SYCE1: variants seen among roughly 807,000 people sequenced by gnomAD.
SYCE1 encodes the protein cancer/testis antigen 76.
In SYCE1, 37 loss-of-function variants were observed where a neutral mutation model predicts 55.1. The ratio of observed to expected loss-of-function variants is 0.67; its 90% CI spans 0.52 to 0.88. SYCE1 has a LOEUF of 0.88. SYCE1 is among the 40% of genes least tolerant of loss of function. The pLI is 0.00. For missense variants in SYCE1, 399 were observed against 416.4 expected, an observed-to-expected ratio of 0.96 and a Z score of 0.36; for synonymous variants, 163 against 159.4, an observed-to-expected ratio of 1.02 and a Z score of -0.17.
upstream of SYCE1, among the ~76,000 whole-genome samples, chr10:133,566,603 G>GGGTTA (rs1851941210): frequency 7.7e-6 from 1 of 129,766 alleles, no homozygotes; most frequent in Non-Finnish European, 1.6e-5. Flanking sequence ...TTTTAGTGTT[G>GGGTTA]GGGTTAGGGT....
chr10:133,554,523 A>C (rs978872414), downstream of SYCE1: 12 of 658,012 alleles, frequency 1.8e-5, no homozygotes, highest in Non-Finnish European at 3.0e-5. Context: ...CTTCCTGTCC[A>C]AAAGTGCCTG....
chr10:133,565,729 C>T (rs1390271451), upstream of SYCE1: 4 of 572,688 alleles, frequency 7.0e-6, no homozygotes, highest in Middle Eastern at 4.7e-4. Context: ...ACAAACGCGG[C>T]GGGAAGCCCG....
chr10:133,562,720 T>A (rs1018988798), intron 1 of SYCE1, among the ~76,000 whole-genome samples: 1 of 152,228 alleles, frequency 6.6e-6, no homozygotes, highest in Non-Finnish European at 1.5e-5. Context: ...AATATTTTTT[T>A]AATGTTTTTT....
chr10:133,567,661 A>T (rs1340367902), upstream of SYCE1: 1 of 182,430 alleles, frequency 5.5e-6, no homozygotes, highest in African/African-American at 2.4e-5. Flanking sequence ...TGGCAGAACC[A>T]GCCTGAGGTC....
At chr10:133,554,781 T>C (rs1851610147), downstream of SYCE1, 3 of 1,465,660 alleles carry the variant, frequency 2.0e-6, no homozygotes, top group South Asian at 2.6e-5. Flanking sequence ...GTCTCGGGCC[T>C]GCATCCCTCT....
chr10:133,566,646 G>C (rs1851944068), upstream of SYCE1, among the ~76,000 whole-genome samples: 1 of 150,994 alleles, frequency 6.6e-6, no homozygotes, highest in Non-Finnish European at 1.5e-5. Context: ...TAGGGGATTA[G>C]GGTCAGGGGT....
chr10:133,559,271 C>G, intron 3 of SYCE1, 30 bp downstream of exon 3: 1 of 1,613,162 alleles, frequency 6.2e-7, no homozygotes, highest in Non-Finnish European at 8.5e-7. Context: ...GCAGCTGGTC[C>G]TAGCTGGCAG....
rs1564855415 is a variant in SYCE1, at chr10:133,555,974, G to A, written c.595+7C>T. The A allele has an allele frequency of 6.2e-7, 1 of 1,614,146 alleles. No individual in the cohort carries two copies. Among genetic ancestry groups the A allele is most frequent in the South Asian group, 1.1e-5 (1 of 91,068 alleles). ...AGATATGGGCCATCCACCTTCCCTG[G>A]TCTCACCTTCCTTGAGCAGCTGCTC... is the stretch of plus-strand genomic sequence containing the variant. On this transcript the variant is annotated splice_region_variant and intron_variant, in intron 9 of 12. Transcript: ENST00000343131.
chr10:133,558,781 C>G, intron 4 of SYCE1, 96 bp downstream of exon 4: 1 of 1,252,224 alleles, frequency 8.0e-7, no homozygotes, highest in Non-Finnish European at 1.1e-6. Flanking sequence ...GGTACAGGAC[C>G]CTTGGCCATG....
At chr10:133,557,791 C>T (rs1851723078) in intron 6 of SYCE1, 73 bp downstream of exon 6, 1 of 1,541,950 alleles carries the variant, frequency 6.5e-7, no homozygotes, top group African/African-American at 1.4e-5. Flanking sequence ...GTCTCAGATT[C>T]ATCTTCCTGC....
intron 9 of SYCE1, 28 bp from the exon 10 acceptor site, chr10:133,555,931 A>G (rs368329173): frequency 6.2e-7 from 1 of 1,613,570 alleles, no homozygotes; most frequent in South Asian, 1.1e-5. Flanking sequence ...AGGTGAGCAC[A>G]TGAAGGCACG....
intron 1 of SYCE1, among the ~76,000 whole-genome samples, chr10:133,562,358 G>A (rs1286116201): frequency 2.0e-5 from 3 of 148,546 alleles, no homozygotes; most frequent in African/African-American, 7.5e-5. Context: ...CTCTCTCCTA[G>A]GACCTTGTGT....
chr10:133,562,260 AATGTGTGTGTGTGTGTGTGT>A (rs898084448), intron 1 of SYCE1, among the ~76,000 whole-genome samples: 2 of 121,886 alleles, frequency 1.6e-5, no homozygotes, highest in African/African-American at 6.3e-5. Flanking sequence ...GCTAACATCC[AATGTGTGTGTGTGTGTGTGT>A]GTGTGTGTGT....
At position 133,555,045 on chromosome 10, in the gene SYCE1, G is replaced by C. The variant is rs1341295962; in HGVS notation, c.1003C>G (p.Leu335Val). The change falls in exon 13 of 13, where the codon CTC becomes GTC. Residue 335 changes from leucine to valine, a missense_variant. Physicochemically the swap from Leu to Val is conservative, Grantham distance 32. Coordinates refer to ENST00000343131, the MANE Select transcript of SYCE1 (RefSeq NM_001143764.3). The part of the protein sequence containing the change: ...PDVLIGQEDT[L>V]HPDLSPRGFQ... ...CCCCTTGGGCTAAGGTCGGGGTGGA[G>C]TGTGTCCTCCTGGCCTATGAGGACA... 1.9e-6 allele frequency: 3 copies of C among 1,551,518 alleles called. No homozygotes were observed. The South Asian group carries it at 3.6e-5, about 18-fold the overall frequency.
Position 133,561,547 on chromosome 10 carries a change from G to A in SYCE1, c.74-1394C>T, listed in dbSNP as rs1851815058. ...CTGGAGTTTGAACTCGCTCCCAACA[G>A]GGAAGACAAGTTTGAGGGTTTTTTT... On this transcript the variant is annotated intron_variant, in intron 1 of 12. Coordinates refer to ENST00000343131, the MANE Select transcript of SYCE1 (RefSeq NM_001143764.3). Among the ~76,000 whole-genome samples the A allele has an allele frequency of 3.9e-5, 6 of 152,264 alleles. No individual in the cohort carries two copies. The South Asian group carries it at 1.2e-3, about 32-fold the overall frequency.
chr10:133,566,021 C>G (rs1317562224), upstream of SYCE1, among the ~76,000 whole-genome samples: 3 of 152,204 alleles, frequency 2.0e-5, no homozygotes, highest in Non-Finnish European at 1.5e-5. Flanking sequence ...CTGCGGCAGC[C>G]CCCGCTGGGC....
chr10:133,568,006 C>A (rs1238418358), upstream of SYCE1: 16 of 599,954 alleles, frequency 2.7e-5, no homozygotes, highest in Non-Finnish European at 5.0e-5. Flanking sequence ...AGACTGTGGG[C>A]AAGGGAGGAA....
At chr10:133,566,775 AAG>A (rs1851948626), upstream of SYCE1, among the ~76,000 whole-genome samples, 2 of 150,096 alleles carry the variant, frequency 1.3e-5, no homozygotes, top group South Asian at 4.3e-4. Context: ...AGTTTAGGGT[AAG>A]GGGTTAGAGT....
downstream of SYCE1, chr10:133,554,170 G>C: frequency 1.2e-6 from 1 of 856,800 alleles, no homozygotes. Context: ...GTTTGTTTAA[G>C]ACAGGTATGA....
Sources: allele counts gnomAD v4.1 joint callset (sites outside exome capture counted in the v4.1 genomes callset), GRCh38; gene constraint gnomAD v4.1.1; transcripts MANE v1.5; gene names NCBI Gene and HGNC (gene_info 2026-07-23, HGNC 2026-07-21).